Variants in MOB3B observed in about 807,000 individuals in gnomAD.
MOB3B encodes MOB kinase activator 3B.
MOB3B carries 7 observed loss-of-function variants against 18.7 expected under a neutral mutation model. That is an observed-to-expected ratio of 0.37 (90% CI 0.21 to 0.70). The LOEUF (loss-of-function observed/expected upper bound fraction) is 0.70. Ranked by LOEUF, MOB3B falls within the 30% of genes least tolerant of loss-of-function variation. The pLI, the probability that MOB3B is intolerant of heterozygous loss-of-function variation, is 0.52. For missense variants in MOB3B, 253 were observed against 281.3 expected (o/e 0.90, Z 0.72); for synonymous variants, 111 against 99.9 (o/e 1.11, Z -0.66).
intron 1 of MOB3B, among the ~76,000 whole-genome samples, chr9:27,475,876 T>C (rs1424752138): frequency 1.3e-5 from 2 of 152,222 alleles, no homozygotes; most frequent in Non-Finnish European, 2.9e-5. Context: ...TGCCATTGAC[T>C]GGGCTGGTTG....
chr9:27,455,774 A>G (rs1822859504), intron 1 of MOB3B, 26 bp from the exon 2 acceptor site: 1 of 1,415,054 alleles, frequency 7.1e-7, no homozygotes, highest in Admixed American at 3.0e-5. Context: ...AAAAGGGAAC[A>G]CATGAGTGCC....
Position 27,328,960 on chromosome 9 carries a change from C to T in MOB3B, c.*1627G>A, listed in dbSNP as rs566987356. 6.5e-6 allele frequency: 1 copy of T among 152,680 alleles called. No homozygotes were observed. Among genetic ancestry groups the T allele is most frequent in the African/African-American group, 2.4e-5 (1 of 41,548 alleles). The allele number at this position is 152,680 out of a possible 1,614,324, so 9.5% of individuals were successfully genotyped here. A position where few individuals can be genotyped will look rare whatever the true frequency, so the allele number is the denominator to read the frequency against. On this transcript the variant is annotated 3_prime_UTR_variant, in exon 4 of 4. Coordinates refer to ENST00000262244, the MANE Select transcript of MOB3B (RefSeq NM_024761.5). ...GCAGCAATTGGATTCCGTGAGATGA[C>T]CTTTACGAGACACAAAGCAAGGTTC...
At chr9:27,481,234 A>C (rs1203216808) in intron 1 of MOB3B, among the ~76,000 whole-genome samples, 5 of 152,264 alleles carry the variant, frequency 3.3e-5, no homozygotes, top group Non-Finnish European at 7.3e-5. Context: ...AACAGCACAA[A>C]AGACTCCAGC....
At chr9:27,406,907 C>T (rs1242164094) in intron 2 of MOB3B, among the ~76,000 whole-genome samples, 2 of 151,582 alleles carry the variant, frequency 1.3e-5, no homozygotes, top group Admixed American at 6.6e-5. Context: ...GGCATGATCT[C>T]GGCTCACTGC....
At chr9:27,400,017 G>A (rs1464242684) in intron 2 of MOB3B, among the ~76,000 whole-genome samples, 2 of 152,060 alleles carry the variant, frequency 1.3e-5, no homozygotes, top group Admixed American at 1.3e-4. Context: ...CTTAAATCAG[G>A]TACTTACTTC....
At chr9:27,486,264 C>T (rs980008495) in intron 1 of MOB3B, among the ~76,000 whole-genome samples, 13 of 152,282 alleles carry the variant, frequency 8.5e-5, no homozygotes, top group African/African-American at 2.4e-4. Flanking sequence ...GAACTTCCAA[C>T]GCAGGAGGAC....
chr9:27,330,322 G>A lies in MOB3B; in HGVS notation c.*265C>T. 1 of 408,554 alleles carries A rather than the reference G, an allele frequency of 2.4e-6. No individual in the cohort carries two copies. Among genetic ancestry groups the A allele is most frequent in the South Asian group, 4.6e-5 (1 of 21,584 alleles). The allele number at this position is 408,554 out of a possible 1,614,324, so 25.3% of individuals were successfully genotyped here. On this transcript the variant is annotated 3_prime_UTR_variant, in exon 4 of 4. Coordinates refer to ENST00000262244, the MANE Select transcript of MOB3B (RefSeq NM_024761.5). Reference sequence around the variant, plus strand: ...GTGGAAGTGCAGAGGCTTCCTCGTGGACAATTCCCCAGCCAGAACGGTCAA... The same window carrying A: ...GTGGAAGTGCAGAGGCTTCCTCGTGAACAATTCCCCAGCCAGAACGGTCAA...
intron 2 of MOB3B, among the ~76,000 whole-genome samples, chr9:27,396,001 G>T (rs900810329): frequency 6.6e-6 from 1 of 152,134 alleles, no homozygotes; most frequent in African/African-American, 2.4e-5. Context: ...TTTGAGGACG[G>T]GGGTTATGTT....
At position 27,328,715 on chromosome 9, in the gene MOB3B, T is replaced by A. The variant is rs1245231240; in HGVS notation, c.*1872A>T. 1 of 152,334 alleles carries A rather than the reference T, an allele frequency of 6.6e-6. No individual in the cohort carries two copies. The highest frequency in any genetic ancestry group is 1.5e-5 in the Non-Finnish European group (1 of 68,050). 9.4% of individuals were successfully genotyped at this position (152,334 alleles called of 1,614,324 possible). A position where few individuals can be genotyped will look rare whatever the true frequency, so the allele number is the denominator to read the frequency against. On this transcript the variant is annotated 3_prime_UTR_variant, in exon 4 of 4. Coordinates refer to ENST00000262244, the MANE Select transcript of MOB3B (RefSeq NM_024761.5). ...CATGGGCTCCGTAGTTACCTCTCTG[T>A]GCCACTGTGCTGCATTCCCATCTGG...
intron 1 of MOB3B, among the ~76,000 whole-genome samples, chr9:27,507,306 C>T (rs1820075144): frequency 6.6e-6 from 1 of 152,182 alleles, no homozygotes; most frequent in South Asian, 2.1e-4. Flanking sequence ...TCTTTCCAGC[C>T]AGTGGGATCC....
intron 3 of MOB3B, among the ~76,000 whole-genome samples, chr9:27,333,309 A>G (rs1656843287): frequency 6.6e-6 from 1 of 152,192 alleles, no homozygotes; most frequent in African/African-American, 2.4e-5. Flanking sequence ...AAGACTCTGC[A>G]AGCTGTATTC....
chr9:27,375,647 C>A (rs1044706351), intron 2 of MOB3B, among the ~76,000 whole-genome samples: 1 of 152,120 alleles, frequency 6.6e-6, no homozygotes, highest in Non-Finnish European at 1.5e-5. Context: ...CCCACACTCA[C>A]CCCATGCATC....
intron 2 of MOB3B, among the ~76,000 whole-genome samples, chr9:27,427,124 C>T (rs1338504534): frequency 6.6e-6 from 1 of 152,206 alleles, no homozygotes; most frequent in Non-Finnish European, 1.5e-5. Context: ...GCTTGACTTC[C>T]TGCCTACCTG....
chr9:27,441,868 G>T (rs1191448185), intron 2 of MOB3B, among the ~76,000 whole-genome samples: 1 of 152,044 alleles, frequency 6.6e-6, no homozygotes, highest in Admixed American at 6.5e-5. Context: ...GATCCCTAAG[G>T]ACCCTTTCAA....
chr9:27,471,935 C>T (rs1819478337), intron 1 of MOB3B, among the ~76,000 whole-genome samples: 1 of 152,188 alleles, frequency 6.6e-6, no homozygotes, highest in Non-Finnish European at 1.5e-5. Context: ...GTCTGGCACA[C>T]TGTAGGCCAG....
intron 1 of MOB3B, among the ~76,000 whole-genome samples, chr9:27,482,039 G>A (rs956000596): frequency 6.6e-6 from 1 of 151,892 alleles, no homozygotes; most frequent in African/African-American, 2.4e-5. Flanking sequence ...TGAAACAAAT[G>A]AACGAAAAGC....
chr9:27,353,809 G>A (rs536613361), intron 3 of MOB3B, among the ~76,000 whole-genome samples: 3 of 152,270 alleles, frequency 2.0e-5, no homozygotes, highest in African/African-American at 4.8e-5. Context: ...CGGGCTATTC[G>A]TGCTTGCTAA....
intron 1 of MOB3B, among the ~76,000 whole-genome samples, chr9:27,505,081 C>T (rs1263745454): frequency 6.6e-6 from 1 of 152,178 alleles, no homozygotes; most frequent in African/African-American, 2.4e-5. Flanking sequence ...AGTGTAATCG[C>T]ATACACAAAA....
chr9:27,455,777 T>A, intron 1 of MOB3B, 29 bp from the exon 2 acceptor site: 1 of 1,411,590 alleles, frequency 7.1e-7, no homozygotes, highest in Non-Finnish European at 9.2e-7. Context: ...AGGGAACACA[T>A]GAGTGCCCAG....
Sources: gnomAD v4.1 joint callset for allele counts (sites outside exome capture counted in the v4.1 genomes callset) on GRCh38, gnomAD v4.1.1 for gene constraint, MANE v1.5 for transcripts, NCBI Gene and HGNC (gene_info 2026-07-23, HGNC 2026-07-21) for gene names.